Variants in SMCR8 observed in about 807,000 individuals in gnomAD.
SMCR8 encodes guanine nucleotide exchange protein SMCR8.
SMCR8 carries 30 observed loss-of-function variants against 56.6 expected under a neutral mutation model. That is an observed-to-expected ratio of 0.53 (90% CI 0.40 to 0.72). The LOEUF is 0.72. Ranked by LOEUF, SMCR8 falls within the 30% of genes least tolerant of loss-of-function variation. The probability of loss-of-function intolerance (pLI) is 0.00; values close to 1 mark genes in which losing one functional copy is unlikely to be tolerated. For synonymous variants in SMCR8, 538 were observed against 456.0 expected (o/e 1.18, Z -2.29); for missense variants, 1,198 against 1,157.0 (o/e 1.04, Z -0.51).
chr17:18,317,051 G>T lies in SMCR8; in HGVS notation c.1262G>T (p.Ser421Ile), dbSNP rs779705058. The change falls in exon 1 of 2, where the codon AGT (serine) becomes ATT (isoleucine). Residue 421 changes from serine to isoleucine, a missense_variant. Ser to Ile is a moderately radical substitution (Grantham distance 142). Transcript: ENST00000406438. ...VLISVGSYKS[S>I]VESVLIKMEQ... ...ATTAGTGTTGGTTCTTACAAGTCCA[G>T]TGTGGAGTCTGTGTTGATCAAGATG... is the stretch of plus-strand genomic sequence containing the variant. 3 of 1,614,210 alleles carry T rather than the reference G, an allele frequency of 1.9e-6. No individual in the cohort carries two copies. Among genetic ancestry groups the T allele is most frequent in the Non-Finnish European group, 2.5e-6 (3 of 1,180,048 alleles).
intron 1 of SMCR8, among the ~76,000 whole-genome samples, chr17:18,319,207 C>T (rs192214870): frequency 6.6e-6 from 1 of 152,260 alleles, no homozygotes; most frequent in African/African-American, 2.4e-5. Flanking sequence ...GGATTCGGAC[C>T]AACCATCTCA....
In SMCR8 at chr17:18,316,256, C is replaced by G. The variant is rs1027017375; in HGVS notation, c.467C>G (p.Ala156Gly). The G allele has an allele frequency of 1.2e-6, 2 of 1,613,718 alleles. No homozygotes were observed. The highest frequency in any genetic ancestry group is 2.7e-5 in the African/African-American group (2 of 74,906). Residue 156 changes from alanine (A) to glycine (G), a missense_variant, in exon 1 of 2, where the codon GCT becomes GGT. Physicochemically the swap from Ala to Gly is moderately conservative, Grantham distance 60 (BLOSUM62 0). Coordinates refer to ENST00000406438, the MANE Select transcript of SMCR8 (RefSeq NM_144775.3). ...ARGFVRPFCM[A>G]YISADQHKIM... Reference sequence around the variant, plus strand: ...GGCTTCGTGAGGCCGTTTTGCATGGCTTATATCTCTGCAGACCAGCATAAA... The same window carrying G: ...GGCTTCGTGAGGCCGTTTTGCATGGGTTATATCTCTGCAGACCAGCATAAA...
In SMCR8 at chr17:18,317,707, C is replaced by T. The variant is rs140450746; in HGVS notation, c.1918C>T (p.Arg640Ter). ...AGTGGAAAATGCCAACCCTTCTTCC[C>T]GAGACAACAGTTGTGAAGGGTTTCC... ...FSVENANPSS[R>*]DNSCEGFPAY... is the part of the protein sequence containing the mutation. The change falls in exon 1 of 2, where the codon CGA (arginine) becomes TGA (stop). Residue 640 changes from arginine to a stop codon, truncating the protein, a stop_gained. Coordinates refer to ENST00000406438, the MANE Select transcript of SMCR8 (RefSeq NM_144775.3). LOFTEE classifies it high-confidence loss of function. 1.2e-5 allele frequency: 20 copies of T among 1,614,032 alleles called. No individual in the cohort carries two copies. Among genetic ancestry groups the T allele is most frequent in the African/African-American group, 2.7e-5 (2 of 74,906 alleles).
chr17:18,315,310 C>T lies in SMCR8; in HGVS notation c.-480C>T, dbSNP rs573073942. 2.9e-4 allele frequency: 45 copies of T among 157,188 alleles called. No individual in the cohort carries two copies. The highest frequency in any genetic ancestry group is 5.5e-4 in the Non-Finnish European group (39 of 70,808). 9.7% of individuals were successfully genotyped at this position (157,188 alleles called of 1,614,324 possible). A position where few individuals can be genotyped will look rare whatever the true frequency, so the allele number is the denominator to read the frequency against. On this transcript the variant is annotated 5_prime_UTR_variant, in exon 1 of 2. Coordinates refer to ENST00000406438, the MANE Select transcript of SMCR8 (RefSeq NM_144775.3). ...CAGGAGTCATGTGATGTCAAGATGG[C>T]GGCGCCGCGGTAGCAGGATCCGGGT...
In SMCR8 at chr17:18,322,689, C is replaced by T; in HGVS notation, c.2433C>T (p.Asp811=). 1.9e-6 allele frequency: 3 copies of T among 1,614,276 alleles called. No individual in the cohort carries two copies. In the African/African-American group the frequency reaches 4.0e-5, roughly 22 times the overall value. The part of the protein sequence containing the change: ...SRYSRYTSIL[D]LDNKTLRCPL... ...ACAGCCGCTACACGAGCATCCTGGA[C>T]CTTGACAACAAAACCCTGCGCTGCC... Residue 811 remains aspartate (D), a synonymous_variant, in exon 2 of 2, where the codon GAC becomes GAT. Transcript: ENST00000406438.
In SMCR8 at chr17:18,323,086, C is replaced by T. The variant is rs1567760923; in HGVS notation, c.*16C>T. On this transcript the variant is annotated 3_prime_UTR_variant, in exon 2 of 2. Transcript: ENST00000406438. ...TAAAATCTGAGGTCGGTCCCAGACA[C>T]TGTGACCAAGACCTGTGACTCAGGG... 1 of 1,600,000 alleles carries T rather than the reference C, an allele frequency of 6.3e-7. No homozygotes were observed. The highest frequency in any genetic ancestry group is 8.5e-7 in the Non-Finnish European group (1 of 1,171,092).
rs752219179 is a variant in SMCR8 at position 18,316,859 on chromosome 17, T to C, written c.1070T>C (p.Ile357Thr). The C allele has an allele frequency of 1.2e-6, 2 of 1,614,238 alleles. No homozygotes were observed. The highest frequency in any genetic ancestry group is 1.3e-5 in the African/African-American group (1 of 75,054). ...GDLCYLLTSQ[I>T]DRALLKQQHI... is the part of the protein sequence containing the mutation. ...CTGTGTTACCTCCTGACCAGTCAGA[T>C]TGATAGAGCACTTCTAAAACAACAG... The change falls in exon 1 of 2, where the codon ATT (isoleucine) becomes ACT (threonine). Residue 357 changes from isoleucine to threonine, a missense_variant. Ile to Thr is a moderately conservative substitution (Grantham distance 89, BLOSUM62 -1). Transcript: ENST00000406438.
rs1484384056 is a variant in SMCR8 at position 18,328,045 on chromosome 17, T to C, written c.*4975T>C. ...TCAGCTACGTGAAAATAAAATTTCT[T>C]TGGGAAGGTGACATTTGGCTTCCTG... On this transcript the variant is annotated 3_prime_UTR_variant, in exon 2 of 2. Coordinates refer to ENST00000406438, the MANE Select transcript of SMCR8 (RefSeq NM_144775.3). 8 of 152,554 alleles carry C rather than the reference T, an allele frequency of 5.2e-5. No individual in the cohort carries two copies. Among genetic ancestry groups the C allele is most frequent in the African/African-American group, 1.9e-4 (8 of 41,438 alleles). The allele number at this position is 152,554 out of a possible 1,614,324, so 9.5% of individuals were successfully genotyped here.
Position 18,316,164 on chromosome 17 carries a change from G to A in SMCR8, c.375G>A (p.Leu125=). ...LNFVEDSKVV[L]GDSKEGAFAY... ...TCGTGGAGGACTCCAAGGTGGTGCT[G>A]GGAGATTCTAAGGAGGGCGCCTTTG... is the stretch of plus-strand genomic sequence containing the variant. The change falls in exon 1 of 2, where the codon CTG becomes CTA. Residue 125 remains leucine (L), a synonymous_variant. Transcript: ENST00000406438. 1.2e-6 allele frequency: 2 copies of A among 1,614,114 alleles called. No individual in the cohort carries two copies. Among genetic ancestry groups the A allele is most frequent in the South Asian group, 1.1e-5 (1 of 91,090 alleles).
Position 18,317,814 on chromosome 17 carries a change from C to T in SMCR8, c.2025C>T (p.Thr675=), listed in dbSNP as rs1467800713. Residue 675 remains threonine (T), a synonymous_variant, in exon 1 of 2, where the codon ACC becomes ACT. Transcript: ENST00000406438. ...KTSLDNYSDT[T]SYVSSVASTS... ...GCCTGGACAACTACTCAGACACCAC[C>T]AGCTACGTGAGCAGTGTAGCGTCCA... 1.2e-6 allele frequency: 2 copies of T among 1,614,160 alleles called. No individual in the cohort carries two copies. The highest frequency in any genetic ancestry group is 1.7e-5 in the Admixed American group (1 of 60,028).
At position 18,316,449 on chromosome 17, in the gene SMCR8, C is replaced by G; in HGVS notation, c.660C>G (p.Asn220Lys). Reference sequence around the variant, plus strand: ...AAACGGAGATCCAGAAGAAAGCCAACGACAAAGGCTTTTACTCATCTCAGG... The same window carrying G: ...AAACGGAGATCCAGAAGAAAGCCAAGGACAAAGGCTTTTACTCATCTCAGG... Reference protein sequence around the residue: ...HTETEIQKKANDKGFYSSQAI... With the variant: ...HTETEIQKKAKDKGFYSSQAI... Residue 220 changes from asparagine to lysine, a missense_variant, in exon 1 of 2, where the codon AAC (asparagine) becomes AAG (lysine). Asn to Lys is a moderately conservative substitution (Grantham distance 94). Transcript: ENST00000406438. 2 of 1,614,094 alleles carry G rather than the reference C, an allele frequency of 1.2e-6. No individual in the cohort carries two copies. Among genetic ancestry groups the G allele is most frequent in the Admixed American group, 1.7e-5 (1 of 60,018 alleles).
At chr17:18,320,459 C>T (rs1021825574) in intron 1 of SMCR8, among the ~76,000 whole-genome samples, 1 of 152,170 alleles carries the variant, frequency 6.6e-6, no homozygotes, top group African/African-American at 2.4e-5. Context: ...ACAGGTATCC[C>T]AGCAGAGACG....
chr17:18,318,113 T>C lies in SMCR8; in HGVS notation c.2324T>C (p.Met775Thr). 1.2e-6 allele frequency: 2 copies of C among 1,613,432 alleles called. No homozygotes were observed. Among genetic ancestry groups the C allele is most frequent in the Middle Eastern group, 1.6e-4 (1 of 6,062 alleles). ...TGGGCCTCCTCCCCTTTGCACATTA[T>C]GGATTTTCAGAAGTGGAAGCTTATT... ...KHWASSPLHI[M>T]DFQKWKLIGL... The change falls in exon 1 of 2, where the codon ATG (methionine) becomes ACG (threonine). Residue 775 changes from methionine (M) to threonine (T), a missense_variant. Coordinates refer to ENST00000406438, the MANE Select transcript of SMCR8 (RefSeq NM_144775.3).
At chr17:18,318,449 G>C (rs1982400021) in intron 1 of SMCR8, among the ~76,000 whole-genome samples, 1 of 152,094 alleles carries the variant, frequency 6.6e-6, no homozygotes, top group African/African-American at 2.4e-5. Flanking sequence ...TGTACCCCAG[G>C]CTGGAGTGCA....
In SMCR8 at chr17:18,322,667, G is replaced by A. The variant is rs757559631; in HGVS notation, c.2411G>A (p.Ser804Asn). The change falls in exon 2 of 2, where the codon AGC (serine) becomes AAC (asparagine). Residue 804 changes from serine (S) to asparagine (N), a missense_variant. By Grantham distance (46) the Ser-to-Asn change is conservative (BLOSUM62 1). Coordinates refer to ENST00000406438, the MANE Select transcript of SMCR8 (RefSeq NM_144775.3). ...ACCCTCCATGCCCTGAGCCGCTACA[G>A]CCGCTACACGAGCATCCTGGACCTT... ...AGTLHALSRY[S>N]RYTSILDLDN... 6.2e-7 allele frequency: 1 copy of A among 1,614,204 alleles called. No homozygotes were observed. Among genetic ancestry groups the A allele is most frequent in the South Asian group, 1.1e-5 (1 of 91,088 alleles).
chr17:18,315,448 G>A lies in SMCR8; in HGVS notation c.-342G>A, dbSNP rs751410808. ...TCGCGTTAAGCCTTGTTCAGAGCGG[G>A]GGCTTTTGCTGTCGCAGTGGGTTCC... is the stretch of plus-strand genomic sequence containing the variant. On this transcript the variant is annotated 5_prime_UTR_variant, in exon 1 of 2. Coordinates refer to ENST00000406438, the MANE Select transcript of SMCR8 (RefSeq NM_144775.3). 4.5e-6 allele frequency: 1 copy of A among 222,782 alleles called. No homozygotes were observed. The highest frequency in any genetic ancestry group is 9.0e-6 in the Non-Finnish European group (1 of 111,550). 13.8% of individuals were successfully genotyped at this position (222,782 alleles called of 1,614,324 possible).
Position 18,323,194 on chromosome 17 carries a change from C to T in SMCR8, c.*124C>T. 1.2e-6 allele frequency: 1 copy of T among 835,178 alleles called. No individual in the cohort carries two copies. Among genetic ancestry groups the T allele is most frequent in the Admixed American group, 2.8e-5 (1 of 35,282 alleles). The allele number at this position is 835,178 out of a possible 1,614,324, so 51.7% of individuals were successfully genotyped here. Reference sequence around the variant, plus strand: ...TTTCTGGTGTCTGGCAGCATGGTTCCCACGTGGCTCCTAGTAGTTTTTAAG... The same window carrying T: ...TTTCTGGTGTCTGGCAGCATGGTTCTCACGTGGCTCCTAGTAGTTTTTAAG... On this transcript the variant is annotated 3_prime_UTR_variant, in exon 2 of 2. Coordinates refer to ENST00000406438, the MANE Select transcript of SMCR8 (RefSeq NM_144775.3).
Position 18,317,606 on chromosome 17 carries a change from C to T in SMCR8, c.1817C>T (p.Ser606Phe), listed in dbSNP as rs1982362747. 3 of 1,614,170 alleles carry T rather than the reference C, an allele frequency of 1.9e-6. No individual in the cohort carries two copies. The highest frequency in any genetic ancestry group is 1.6e-4 in the Middle Eastern group (1 of 6,062). Reference sequence around the variant, plus strand: ...CCCTCCACTCCAGCCCACACACACTCTGACGAGGATGGGGTGGTGAGCAGC... The same window carrying T: ...CCCTCCACTCCAGCCCACACACACTTTGACGAGGATGGGGTGGTGAGCAGC... ...VLPSTPAHTH[S>F]DEDGVVSSPP... The change falls in exon 1 of 2, where the codon TCT becomes TTT. Residue 606 changes from serine (S) to phenylalanine (F), a missense_variant. By Grantham distance (155) the Ser-to-Phe change is radical (BLOSUM62 -2). Transcript: ENST00000406438.
chr17:18,320,438 T>C (rs559662706), intron 1 of SMCR8, among the ~76,000 whole-genome samples: 3 of 152,262 alleles, frequency 2.0e-5, no homozygotes. Flanking sequence ...CAGGGGATGC[T>C]GGGCCTGGGA....
Sources: allele counts gnomAD v4.1 joint callset (sites outside exome capture counted in the v4.1 genomes callset), GRCh38; gene constraint gnomAD v4.1.1; transcripts MANE v1.5; gene names NCBI Gene and HGNC (gene_info 2026-07-23, HGNC 2026-07-21).